The following PCDHGA10 variants were observed in gnomAD, a reference collection of about 807,000 sequenced individuals.
PCDHGA10 encodes the protein protocadherin gamma-A10.
In PCDHGA10, 42 loss-of-function variants were observed where a neutral mutation model predicts 59.5. The ratio of observed to expected loss-of-function variants is 0.71; its 90% confidence interval spans 0.55 to 0.91. PCDHGA10 has a LOEUF of 0.91. Ranked by LOEUF, PCDHGA10 falls within the 40% of genes least tolerant of loss-of-function variation. The pLI is 0.00. For missense variants in PCDHGA10, 1,111 were observed against 1,198.2 expected (o/e 0.93, Z 1.07); for synonymous variants, 511 against 517.2 (o/e 0.99, Z 0.16).
Position 141,413,979 on chromosome 5 carries a change from C to T in PCDHGA10, c.804C>T (p.Val268=). The part of the protein sequence containing the change: ...NLPVGTQLLT[V]TATDRDEGAN... ...CTGTGGGCACTCAGCTGCTGACAGT[C>T]ACAGCCACCGACAGGGACGAAGGTG... Residue 268 remains valine (V), a synonymous_variant, in exon 1 of 4, where the codon GTC becomes GTT. Transcript: ENST00000398610. 6.2e-7 allele frequency: 1 copy of T among 1,613,394 alleles called. No homozygotes were observed. Among genetic ancestry groups the T allele is most frequent in the Non-Finnish European group, 8.5e-7 (1 of 1,179,830 alleles).
Position 141,477,012 on chromosome 5 carries a change from T to C in PCDHGA10, c.2437-17795T>C. The C allele has an allele frequency of 6.2e-7, 1 of 1,614,186 alleles. No homozygotes were observed. Among genetic ancestry groups the C allele is most frequent in the Non-Finnish European group, 8.5e-7 (1 of 1,180,026 alleles). On this transcript the variant is annotated intron_variant, in intron 1 of 3. Coordinates refer to ENST00000398610, the MANE Select transcript of PCDHGA10 (RefSeq NM_018913.3). The surrounding 1 kb of genome is among the most constrained non-coding windows in gnomAD (Gnocchi z 4.9). The stretch of plus-strand genomic sequence containing the variant: ...GTGCGGCAACTATTCGCCTTAGACC[T>C]TGTAACCGGGATGCTGACAATCAAG...
Position 141,490,241 on chromosome 5 carries a change from G to T in PCDHGA10, c.2437-4566G>T. 2 of 1,614,246 alleles carry T rather than the reference G, an allele frequency of 1.2e-6. No individual in the cohort carries two copies. Among genetic ancestry groups the T allele is most frequent in the Non-Finnish European group, 1.7e-6 (2 of 1,180,048 alleles). On this transcript the variant is annotated intron_variant, in intron 1 of 3. Transcript: ENST00000398610. This position sits in a 1 kb window ranked among gnomAD's most constrained non-coding sequence, Gnocchi z 5.4. Reference sequence around the variant, plus strand: ...GGACAGCCTGCCATGGAGGGCCACTGTGTGATTCAAGTGGATGTGGGGGAT... The same window carrying T: ...GGACAGCCTGCCATGGAGGGCCACTTTGTGATTCAAGTGGATGTGGGGGAT...
chr5:141,465,627 A>C lies in PCDHGA10; in HGVS notation c.2437-29180A>C, dbSNP rs370355596. 1.1e-4 allele frequency among the ~76,000 whole-genome samples: 17 copies of C among 152,326 alleles called. 1 individual carries two copies. The South Asian group carries it at 3.3e-3, about 30-fold the overall frequency. On this transcript the variant is annotated intron_variant, in intron 1 of 3. Coordinates refer to ENST00000398610, the MANE Select transcript of PCDHGA10 (RefSeq NM_018913.3). ...TCTTTGGCCCTCCAGGAAGTCAACCAGCAAAATGCTTTGAACATCCCAAAA... is the reference window on the plus strand; with the variant it reads ...TCTTTGGCCCTCCAGGAAGTCAACCCGCAAAATGCTTTGAACATCCCAAAA...
intron 1 of PCDHGA10, chr5:141,422,466 G>T: frequency 1.2e-6 from 2 of 1,613,528 alleles, no homozygotes; most frequent in Non-Finnish European, 1.7e-6. Flanking sequence ...TGCTGGACAG[G>T]GAGTTGGTCC....
In PCDHGA10 at chr5:141,491,764, C is replaced by T; in HGVS notation, c.2437-3043C>T. The stretch of plus-strand genomic sequence containing the variant: ...CGGCACTGGAGAAGCCGCCCGTCCT[C>T]ATAAGGGATTGAACTTGCATCCACT... On this transcript the variant is annotated intron_variant, in intron 1 of 3. Transcript: ENST00000398610. The surrounding 1 kb of genome is among the most constrained non-coding windows in gnomAD (Gnocchi z 6.9). The T allele has an allele frequency of 6.4e-7, 1 of 1,570,206 alleles. No homozygotes were observed. Among genetic ancestry groups the T allele is most frequent in the Non-Finnish European group, 8.6e-7 (1 of 1,159,296 alleles).
Position 141,486,690 on chromosome 5 carries a change from C to G in PCDHGA10, c.2437-8117C>G. ...AGGAATCGAGATGTATCAGCTTCCTCTTTCATCTCTCTGAACCCCCAGACA... is the reference window on the plus strand; with the variant it reads ...AGGAATCGAGATGTATCAGCTTCCTGTTTCATCTCTCTGAACCCCCAGACA... On this transcript the variant is annotated intron_variant, in intron 1 of 3. Coordinates refer to ENST00000398610, the MANE Select transcript of PCDHGA10 (RefSeq NM_018913.3). The surrounding 1 kb of genome is among the most constrained non-coding windows in gnomAD (Gnocchi z 5.0). 3 of 1,614,144 alleles carry G rather than the reference C, an allele frequency of 1.9e-6. No individual in the cohort carries two copies. The highest frequency in any genetic ancestry group is 2.5e-6 in the Non-Finnish European group (3 of 1,180,036).
rs2099521625 is a variant in PCDHGA10, at chr5:141,480,568, G to A, written c.2437-14239G>A. 2.0e-5 allele frequency among the ~76,000 whole-genome samples: 3 copies of A among 152,338 alleles called. No individual in the cohort carries two copies. The South Asian group carries it at 6.2e-4, about 32-fold the overall frequency. Reference sequence around the variant, plus strand: ...AAAGGCTAAGAAAGCATGAAAGCCAGCAAGAAATAACTGCCGCTCTTCTGG... The same window carrying A: ...AAAGGCTAAGAAAGCATGAAAGCCAACAAGAAATAACTGCCGCTCTTCTGG... On this transcript the variant is annotated intron_variant, in intron 1 of 3. Coordinates refer to ENST00000398610, the MANE Select transcript of PCDHGA10 (RefSeq NM_018913.3).
At chr5:141,423,256 G>A (rs751894091) in intron 1 of PCDHGA10, 3 of 1,613,816 alleles carry the variant, frequency 1.9e-6, no homozygotes, top group South Asian at 2.2e-5. Context: ...GGCGGACCTC[G>A]GCAGCCTCGA....
intron 3 of PCDHGA10, among the ~76,000 whole-genome samples, chr5:141,509,574 G>T (rs554778751): frequency 6.6e-6 from 1 of 152,300 alleles, no homozygotes; most frequent in South Asian, 2.1e-4. Context: ...TTCACAGTGC[G>T]TACAAATCAG....
chr5:141,439,652 T>G (rs1047430832), intron 1 of PCDHGA10, among the ~76,000 whole-genome samples: 1 of 152,208 alleles, frequency 6.6e-6, no homozygotes, highest in African/African-American at 2.4e-5. Context: ...GTGGCTTTTC[T>G]AATTTCATGG....
chr5:141,430,951 C>A, intron 1 of PCDHGA10: 3 of 1,610,496 alleles, frequency 1.9e-6, no homozygotes, highest in Non-Finnish European at 2.5e-6. Flanking sequence ...AGCGCGGAGT[C>A]CGCATCATCC....
Position 141,418,592 on chromosome 5 carries a change from G to A in PCDHGA10, c.2436+2981G>A, listed in dbSNP as rs772314584. Reference sequence around the variant, plus strand: ...TGACAACCCCCCAGTGTTCAGCCAGGACGTGTACAGGGTTAGCCTTCGGGA... The same window carrying A: ...TGACAACCCCCCAGTGTTCAGCCAGAACGTGTACAGGGTTAGCCTTCGGGA... On this transcript the variant is annotated intron_variant, in intron 1 of 3. Transcript: ENST00000398610. 18 of 1,614,020 alleles carry A rather than the reference G, an allele frequency of 1.1e-5. No homozygotes were observed. The highest frequency in any genetic ancestry group is 1.5e-5 in the Non-Finnish European group (18 of 1,179,902).
chr5:141,427,871 G>A (rs762885351), intron 1 of PCDHGA10: 1 of 1,559,530 alleles, frequency 6.4e-7, no homozygotes, highest in South Asian at 1.1e-5. Flanking sequence ...TCGAGCTCAC[G>A]ATGCAGGCCC....
At chr5:141,463,831 C>T (rs2099070299) in intron 1 of PCDHGA10, among the ~76,000 whole-genome samples, 1 of 152,174 alleles carries the variant, frequency 6.6e-6, no homozygotes, top group African/African-American at 2.4e-5. Flanking sequence ...TGATCCACTT[C>T]CCAGTTGTTA....
chr5:141,413,443 A>G lies in PCDHGA10; in HGVS notation c.268A>G (p.Thr90Ala), dbSNP rs2095641277. 1 of 1,613,986 alleles carries G rather than the reference A, an allele frequency of 6.2e-7. No homozygotes were observed. The highest frequency in any genetic ancestry group is 1.7e-5 in the Admixed American group (1 of 60,014). The change falls in exon 1 of 4, where the codon ACC becomes GCC. Residue 90 changes from threonine (T) to alanine (A), a missense_variant. Thr to Ala is a moderately conservative substitution (Grantham distance 58). Coordinates refer to ENST00000398610, the MANE Select transcript of PCDHGA10 (RefSeq NM_018913.3). ...SLNPRSGSLI[T>A]AGRIDREELC... ...GAACCCGCGCAGCGGCAGCTTGATCACCGCGGGCAGGATAGACCGGGAGGA... is the reference window on the plus strand; with the variant it reads ...GAACCCGCGCAGCGGCAGCTTGATCGCCGCGGGCAGGATAGACCGGGAGGA...
At chr5:141,482,572 T>C (rs1367788391) in intron 1 of PCDHGA10, among the ~76,000 whole-genome samples, 1 of 137,636 alleles carries the variant, frequency 7.3e-6, no homozygotes, top group Admixed American at 7.3e-5. Context: ...CTGCATAGCA[T>C]AAGATGCAGT....
At chr5:141,423,237 C>A in intron 1 of PCDHGA10, 1 of 1,613,916 alleles carries the variant, frequency 6.2e-7, no homozygotes, top group Non-Finnish European at 8.5e-7. Context: ...ACAGCATCCC[C>A]GAAGTCCTGG....
intron 3 of PCDHGA10, among the ~76,000 whole-genome samples, chr5:141,509,056 G>A (rs1303823294): frequency 1.3e-5 from 2 of 152,178 alleles, no homozygotes; most frequent in Admixed American, 6.5e-5. Context: ...CCCCCAGAAA[G>A]CTCTCAGCTC....
At position 141,414,098 on chromosome 5, in the gene PCDHGA10, C is replaced by A; in HGVS notation, c.923C>A (p.Ser308Ter). 1 of 1,594,212 alleles carries A rather than the reference C, an allele frequency of 6.3e-7. No homozygotes were observed. The highest frequency in any genetic ancestry group is 8.5e-7 in the Non-Finnish European group (1 of 1,170,202). ...AAATATACTGGAGAAATAAAAATAT[C>A]AGAAAATCTAGATTATGAAGAAACC... ...LNKYTGEIKISENLDYEETGF... is the reference protein window; with the variant it reads ...LNKYTGEIKI The change falls in exon 1 of 4, where the codon TCA becomes TAA. Residue 308 changes from serine (S) to a stop codon, truncating the protein, a stop_gained. Coordinates refer to ENST00000398610, the MANE Select transcript of PCDHGA10 (RefSeq NM_018913.3). LOFTEE classifies it high-confidence loss of function.
Sources: gnomAD v4.1 joint callset for allele counts (sites outside exome capture counted in the v4.1 genomes callset) on GRCh38, gnomAD v4.1.1 for gene constraint, Gnocchi (gnomAD v3.1) non-coding constraint, MANE v1.5 for transcripts, NCBI Gene and HGNC (gene_info 2026-07-23, HGNC 2026-07-21) for gene names.